METTL6: variants seen among roughly 807,000 people sequenced by gnomAD.
The protein encoded by METTL6 is tRNA N(3)-cytidine methyltransferase METTL6.
A neutral mutation model predicts 26.4 loss-of-function variants in METTL6; 22 were observed. That is an observed-to-expected ratio of 0.83 (90% confidence interval 0.59 to 1.19). The LOEUF (loss-of-function observed/expected upper bound fraction) is 1.19, where lower values mean the gene tolerates loss of function less well. Ranked by LOEUF, METTL6 falls within the 50% of genes most tolerant of loss-of-function variation. The pLI, the probability that METTL6 is intolerant of heterozygous loss-of-function variation, is 0.00. For synonymous variants in METTL6, 109 were observed against 116.2 expected, an observed-to-expected ratio of 0.94 and a Z score of 0.40; for missense variants, 304 against 324.8, an observed-to-expected ratio of 0.94 and a Z score of 0.49.
chr3:15,412,416 GT>G (rs1246505092), intron 5 of METTL6, among the ~76,000 whole-genome samples: 4 of 152,258 alleles, frequency 2.6e-5, no homozygotes, highest in African/African-American at 7.2e-5. Context: ...TTTACAATTG[GT>G]TTAAATTTTA....
intron 6 of METTL6, among the ~76,000 whole-genome samples, chr3:15,402,975 C>T (rs1190425002): frequency 1.3e-5 from 2 of 152,126 alleles, no homozygotes; most frequent in Admixed American, 1.3e-4. Context: ...CTAAATTCCT[C>T]CCAAAGTTAG....
intron 4 of METTL6, 25 bp downstream of exon 4, chr3:15,415,747 C>CA (rs1700176311): frequency 1.2e-6 from 2 of 1,609,702 alleles, no homozygotes; most frequent in Middle Eastern, 1.7e-4. Context: ...GTCCAACCCT[C>CA]AAGTGCAGGC....
At chr3:15,391,051 C>A (rs547594791) in intron 6 of METTL6, among the ~76,000 whole-genome samples, 1 of 152,302 alleles carries the variant, frequency 6.6e-6, no homozygotes, top group South Asian at 2.1e-4. Flanking sequence ...TGAGGGCAGG[C>A]CCCTCTCCAA....
chr3:15,411,552 C>T (rs1559489074), intron 5 of METTL6, 115 bp from the exon 6 acceptor site: 1 of 1,014,320 alleles, frequency 9.9e-7, no homozygotes, highest in Non-Finnish European at 1.4e-6. Flanking sequence ...AAATGAAAAC[C>T]TCAATGCTAA....
At chr3:15,401,536 C>CAAAAAAAAAAAAAAAAAAAAAAAA (rs35578326) in intron 6 of METTL6, among the ~76,000 whole-genome samples, 12 of 71,814 alleles carry the variant, frequency 1.7e-4, no homozygotes, top group African/African-American at 3.3e-4. Flanking sequence ...ATGTTCACGC[C>CAAAAAAAAAAAAAAAAAAAAAAAA]AAAAAAAAAA....
At chr3:15,406,241 C>T (rs1366485993), downstream of METTL6, among the ~76,000 whole-genome samples, 3 of 151,918 alleles carry the variant, frequency 2.0e-5, no homozygotes, top group African/African-American at 7.3e-5. Flanking sequence ...TGATTCCACA[C>T]AGTTTGCTAC....
At chr3:15,403,809 G>A (rs1000836557) in intron 6 of METTL6, among the ~76,000 whole-genome samples, 2 of 152,224 alleles carry the variant, frequency 1.3e-5, no homozygotes, top group African/African-American at 2.4e-5. Context: ...CCCAAGGGCT[G>A]CTGGTTGCCC....
chr3:15,383,599 G>T (rs953834053), exon 7 of METTL6: 2 of 152,006 alleles, frequency 1.3e-5, no homozygotes, highest in Non-Finnish European at 2.9e-5. Context: ...TATGTGAGGA[G>T]TGTGATATGC....
intron 2 of METTL6, among the ~76,000 whole-genome samples, chr3:15,425,974 T>C (rs2061710978): frequency 6.6e-6 from 1 of 152,060 alleles, no homozygotes; most frequent in Non-Finnish European, 1.5e-5. Flanking sequence ...CAGAGTCTCG[T>C]TCTGTCACCA....
intron 6 of METTL6, among the ~76,000 whole-genome samples, chr3:15,391,875 C>T (rs1394998357): frequency 6.6e-6 from 1 of 152,162 alleles, no homozygotes; most frequent in Admixed American, 6.5e-5. Flanking sequence ...ATATGCACCA[C>T]ATTTTCTTAA....
chr3:15,427,265 G>A (rs1270487477), intron 1 of METTL6, 137 bp downstream of exon 1: 1 of 172,578 alleles, frequency 5.8e-6, no homozygotes, highest in East Asian at 1.9e-4. Context: ...GGATAGACTA[G>A]GCTGCATGGG....
intron 6 of METTL6, among the ~76,000 whole-genome samples, chr3:15,386,954 G>A (rs781002224): frequency 1.5e-4 from 23 of 151,728 alleles, no homozygotes; most frequent in African/African-American, 3.2e-4. Flanking sequence ...CACTACGCCC[G>A]GCTAATTTTG....
At chr3:15,403,030 G>A (rs746786834) in intron 6 of METTL6, among the ~76,000 whole-genome samples, 2 of 152,172 alleles carry the variant, frequency 1.3e-5, no homozygotes, top group Non-Finnish European at 2.9e-5. Context: ...TAGCTTGGAG[G>A]TTAGAAGCAA....
chr3:15,415,499 T>C (rs761745264), intron 4 of METTL6: 80 of 1,591,320 alleles, frequency 5.0e-5, no homozygotes, highest in Non-Finnish European at 6.5e-5. Context: ...TCCTCTCACC[T>C]TATAGCAGGA....
chr3:15,392,854 A>G (rs895533400), intron 6 of METTL6, among the ~76,000 whole-genome samples: 20 of 152,062 alleles, frequency 1.3e-4, no homozygotes, highest in Non-Finnish European at 2.9e-4. Flanking sequence ...CCATTGGTCT[A>G]TATCTCTGTT....
intron 6 of METTL6, among the ~76,000 whole-genome samples, chr3:15,393,429 A>G (rs1276777849): frequency 6.6e-6 from 1 of 152,206 alleles, no homozygotes; most frequent in African/African-American, 2.4e-5. Flanking sequence ...ATATACAATC[A>G]TGTCATCTGC....
At chr3:15,398,798 C>T (rs965497321) in intron 6 of METTL6, among the ~76,000 whole-genome samples, 2 of 152,018 alleles carry the variant, frequency 1.3e-5, no homozygotes, top group Non-Finnish European at 2.9e-5. Flanking sequence ...TGCAGGGAGC[C>T]ATGATCATGT....
intron 3 of METTL6, among the ~76,000 whole-genome samples, chr3:15,417,484 T>TAAAA (rs1458157345): frequency 2.0e-5 from 3 of 148,416 alleles, no homozygotes; most frequent in Non-Finnish European, 4.4e-5. Context: ...AATAAATAAA[T>TAAAA]AAAATAGAAT....
intron 3 of METTL6, among the ~76,000 whole-genome samples, chr3:15,421,653 T>C (rs1293838768): frequency 6.6e-6 from 1 of 152,186 alleles, no homozygotes; most frequent in African/African-American, 2.4e-5. Flanking sequence ...CGGTGGCTTA[T>C]GCCTGTAATC....
Sources: gnomAD v4.1 joint callset for allele counts (sites outside exome capture counted in the v4.1 genomes callset) on GRCh38, gnomAD v4.1.1 for gene constraint, MANE v1.5 for transcripts, NCBI Gene and HGNC (gene_info 2026-07-23, HGNC 2026-07-21) for gene names.